TP63: variants seen among roughly 807,000 people sequenced by gnomAD.
TP63 encodes the protein tumor protein 63.
Under a neutral mutation model 82.8 loss-of-function variants are expected in TP63, and 17 were observed. The ratio of observed to expected loss-of-function variants is 0.21; its 90% CI spans 0.14 to 0.31. TP63 has a LOEUF of 0.31. Ranked by LOEUF, TP63 falls within the 10% of genes least tolerant of loss-of-function variation. The probability of loss-of-function intolerance (pLI) is 1.00; values close to 1 mark genes in which losing one functional copy is unlikely to be tolerated. For synonymous variants in TP63, 330 were observed against 321.7 expected, an observed-to-expected ratio of 1.03 and a Z score of -0.28; for missense variants, 648 against 895.3, an observed-to-expected ratio of 0.72 and a Z score of 3.52.
intron 1 of TP63, among the ~76,000 whole-genome samples, chr3:189,710,639 T>C (rs975791078): frequency 1.8e-4 from 27 of 152,308 alleles, no homozygotes; most frequent in African/African-American, 6.5e-4. Flanking sequence ...TGACCTATAC[T>C]GCAATTTCTC....
chr3:189,762,385 G>T (rs958485870), intron 3 of TP63, among the ~76,000 whole-genome samples: 4 of 152,090 alleles, frequency 2.6e-5, no homozygotes, highest in Non-Finnish European at 4.4e-5. Context: ...GACTCCTCAG[G>T]TCCCTTAGAT....
intron 3 of TP63, among the ~76,000 whole-genome samples, chr3:189,742,453 C>T (rs938459845): frequency 6.6e-6 from 1 of 151,676 alleles, no homozygotes; most frequent in African/African-American, 2.4e-5. Context: ...ACCCTTTTAA[C>T]CTGTATTGGA....
At chr3:189,870,337 C>T (rs1718264878) in intron 9 of TP63, among the ~76,000 whole-genome samples, 1 of 152,094 alleles carries the variant, frequency 6.6e-6, no homozygotes, top group East Asian at 1.9e-4. Flanking sequence ...AAAAAATACA[C>T]CAATCAAAAT....
intron 1 of TP63, among the ~76,000 whole-genome samples, chr3:189,732,159 G>A (rs1051783206): frequency 1.3e-5 from 2 of 152,066 alleles, no homozygotes; most frequent in African/African-American, 2.4e-5. Context: ...AAGTCCCACC[G>A]ACAATGGCTG....
chr3:189,751,065 C>A (rs948811496), intron 3 of TP63, among the ~76,000 whole-genome samples: 1 of 152,024 alleles, frequency 6.6e-6, no homozygotes, highest in Non-Finnish European at 1.5e-5. Flanking sequence ...TGAGAACATG[C>A]GGTGTTTGGT....
chr3:189,799,035 C>G (rs1433239603), intron 3 of TP63, among the ~76,000 whole-genome samples: 2 of 152,074 alleles, frequency 1.3e-5, no homozygotes, highest in Non-Finnish European at 2.9e-5. Flanking sequence ...ACTCATGAAA[C>G]AGTGTTCCCC....
At chr3:189,807,709 G>C (rs1163609703) in intron 3 of TP63, among the ~76,000 whole-genome samples, 1 of 152,202 alleles carries the variant, frequency 6.6e-6, no homozygotes, top group African/African-American at 2.4e-5. Context: ...TCCAGTCTTT[G>C]TGAAACCAGT....
intron 1 of TP63, among the ~76,000 whole-genome samples, chr3:189,707,591 C>T (rs1043001235): frequency 1.3e-5 from 2 of 152,072 alleles, no homozygotes; most frequent in Non-Finnish European, 2.9e-5. Flanking sequence ...AATTTTTGCT[C>T]TTTTACATAT....
At chr3:189,835,345 A>G (rs978090823) in intron 4 of TP63, among the ~76,000 whole-genome samples, 2 of 152,180 alleles carry the variant, frequency 1.3e-5, no homozygotes, top group Non-Finnish European at 2.9e-5. Flanking sequence ...ATGTCTGCCA[A>G]TTTCCTCTCT....
intron 3 of TP63, among the ~76,000 whole-genome samples, chr3:189,746,634 A>T (rs1299876859): frequency 1.3e-5 from 2 of 151,954 alleles, no homozygotes; most frequent in Admixed American, 6.5e-5. Flanking sequence ...AAATAAGGGA[A>T]CAAAGACTAC....
At chr3:189,694,721 C>G (rs1403089034) in intron 1 of TP63, among the ~76,000 whole-genome samples, 1 of 138,658 alleles carries the variant, frequency 7.2e-6, no homozygotes, top group East Asian at 2.2e-4. Context: ...GGTTTTTTCA[C>G]TTTGAGGTTA....
At chr3:189,650,741 A>G (rs1461659897) in intron 1 of TP63, among the ~76,000 whole-genome samples, 2 of 147,604 alleles carry the variant, frequency 1.4e-5, no homozygotes, top group Non-Finnish European at 1.5e-5. Context: ...GTGAGAATAG[A>G]CAAGTACACT....
At chr3:189,885,983 G>C (rs138888526) in intron 10 of TP63, among the ~76,000 whole-genome samples, 75 of 152,326 alleles carry the variant, frequency 4.9e-4, no homozygotes, top group African/African-American at 1.8e-3. Context: ...GCTGCAGTTT[G>C]AGGGTGGGAT....
Position 189,890,936 on chromosome 3 carries a change from A to C in TP63, c.1746+54A>C, listed in dbSNP as rs1007826727. On this transcript the variant is annotated intron_variant, in intron 13 of 13. Coordinates refer to ENST00000264731, the MANE Select transcript of TP63 (RefSeq NM_003722.5). ...TTTATTTCTTCATTTCTTTCCTCTG[A>C]TGACAACCGCCTTGTAGTTCAATCC... The C allele has an allele frequency of 3.9e-6, 6 of 1,554,248 alleles. No individual in the cohort carries two copies. The African/African-American group carries it at 6.8e-5, about 18-fold the overall frequency.
rs975868579 is a variant in TP63 at position 189,717,461 on chromosome 3, C to G, written c.63-20279C>G. On this transcript the variant is annotated intron_variant, in intron 1 of 13. Transcript: ENST00000264731. ...TATTAGCTAAGATTTGGGAAGCTGA[C>G]TGCTTCCAGAAGCATCTGGATGGGA... is the stretch of plus-strand genomic sequence containing the variant. 2.4e-4 allele frequency among the ~76,000 whole-genome samples: 36 copies of G among 152,190 alleles called. 1 individual carries two copies. Among genetic ancestry groups the G allele is most frequent in the African/African-American group, 8.0e-4 (33 of 41,448 alleles).
intron 1 of TP63, among the ~76,000 whole-genome samples, chr3:189,691,380 A>AGAAAGG (rs1291448725): frequency 6.6e-6 from 1 of 151,784 alleles, no homozygotes; most frequent in Non-Finnish European, 1.5e-5. Context: ...AAAGAAAAGA[A>AGAAAGG]GAAAGGTAAT....
At position 189,823,464 on chromosome 3, in the gene TP63, G is replaced by A. The variant is rs150073913; in HGVS notation, c.579+14938G>A. Among the ~76,000 whole-genome samples, 438 of 152,284 alleles carry A rather than the reference G, an allele frequency of 2.9e-3. 2 individuals carry two copies. Among genetic ancestry groups the A allele is most frequent in the African/African-American group, 1.0e-2 (414 of 41,568 alleles). On this transcript the variant is annotated intron_variant, in intron 4 of 13. Coordinates refer to ENST00000264731, the MANE Select transcript of TP63 (RefSeq NM_003722.5). ...TTGGAGAATGCCACGGCATGCAGAC[G>A]CACACTGTGGAGCTGAGCACTCAGT...
chr3:189,738,585 G>A lies in TP63; in HGVS notation c.192-57G>A, dbSNP rs145915811. 6.1e-4 allele frequency: 987 copies of A among 1,612,952 alleles called. 6 individuals carry two copies. In the African/African-American group the frequency reaches 0.012, roughly 19 times the overall value. ...AAATGCTTGTTGTTAACAACAGCAT[G>A]AGTATATTTTAGTCCCTTTCCATGC... On this transcript the variant is annotated intron_variant, in intron 2 of 13. Transcript: ENST00000264731.
chr3:189,751,852 T>C (rs1721848532), intron 3 of TP63, among the ~76,000 whole-genome samples: 1 of 152,188 alleles, frequency 6.6e-6, no homozygotes, highest in Non-Finnish European at 1.5e-5. Context: ...ATTTTGGCTT[T>C]TGTTGCCATT....
Sources: gnomAD v4.1 joint callset for allele counts (sites outside exome capture counted in the v4.1 genomes callset) on GRCh38, gnomAD v4.1.1 for gene constraint, MANE v1.5 for transcripts, NCBI Gene and HGNC (gene_info 2026-07-23, HGNC 2026-07-21) for gene names.